Variants in PEMT observed in about 807,000 individuals in gnomAD.
PEMT encodes phospholipid methyltransferase.
A neutral mutation model predicts 27.4 loss-of-function variants in PEMT; 23 were observed. The ratio of observed to expected loss-of-function variants is 0.84; its 90% CI spans 0.60 to 1.19. The LOEUF (loss-of-function observed/expected upper bound fraction) is 1.19, where lower values mean the gene tolerates loss of function less well. Among genes scored for constraint, PEMT ranks in the 50% most tolerant of loss-of-function variants. The pLI, the probability that PEMT is intolerant of heterozygous loss-of-function variation, is 0.00. For synonymous variants in PEMT, 137 were observed against 139.1 expected, an observed-to-expected ratio of 0.98 and a Z score of 0.11; for missense variants, 307 against 310.1, an observed-to-expected ratio of 0.99 and a Z score of 0.07.
intron 2 of PEMT, among the ~76,000 whole-genome samples, chr17:17,527,163 G>A (rs567296862): frequency 2.0e-5 from 3 of 152,110 alleles, no homozygotes; most frequent in East Asian, 1.9e-4. Flanking sequence ...TCAGCCTCCC[G>A]AGTAGCTGGG....
At chr17:17,543,625 C>T (rs1909045150) in intron 2 of PEMT, among the ~76,000 whole-genome samples, 2 of 152,234 alleles carry the variant, frequency 1.3e-5, no homozygotes, top group South Asian at 2.1e-4. Flanking sequence ...GGCAGGGGCA[C>T]GATCTCGGCT....
intron 2 of PEMT, among the ~76,000 whole-genome samples, chr17:17,550,174 C>A (rs765926976): frequency 6.6e-6 from 1 of 152,214 alleles, no homozygotes; most frequent in Non-Finnish European, 1.5e-5. Flanking sequence ...CCACCACCCC[C>A]CTCTGGAACG....
At chr17:17,591,773 C>A, upstream of PEMT, 1 of 1,433,396 alleles carries the variant, frequency 7.0e-7, no homozygotes, top group Non-Finnish European at 9.1e-7. Flanking sequence ...AAATGTAGTT[C>A]CCCGTCACCG....
At chr17:17,586,214 GAA>G (rs763667363) in intron 1 of PEMT, among the ~76,000 whole-genome samples, 826 of 79,960 alleles carry the variant, frequency 0.01, 23 homozygotes, top group African/African-American at 0.033. Flanking sequence ...AAGAAAGAAA[GAA>G]AAAGAAAGAA....
chr17:17,580,099 G>A (rs1462519752), intron 1 of PEMT, among the ~76,000 whole-genome samples: 2 of 152,198 alleles, frequency 1.3e-5, no homozygotes, highest in Non-Finnish European at 2.9e-5. Context: ...GGAAGGGAGG[G>A]GAGGGAAGGC....
chr17:17,520,614 C>T (rs1051397206), intron 3 of PEMT, among the ~76,000 whole-genome samples: 27 of 152,216 alleles, frequency 1.8e-4, no homozygotes, highest in African/African-American at 6.5e-4. Flanking sequence ...GGCCCCGAGG[C>T]GGTGCCATGG....
At chr17:17,532,898 G>T (rs1466228480) in intron 2 of PEMT, among the ~76,000 whole-genome samples, 4 of 152,184 alleles carry the variant, frequency 2.6e-5, no homozygotes, top group Non-Finnish European at 5.9e-5. Context: ...GTGGTGGTGG[G>T]CATACGTAAT....
chr17:17,577,359 G>C, intron 1 of PEMT: 4 of 638,230 alleles, frequency 6.3e-6, no homozygotes, highest in Non-Finnish European at 8.7e-6. Flanking sequence ...GGTTCTCAGA[G>C]GCCCCAGAGG....
intron 2 of PEMT, among the ~76,000 whole-genome samples, chr17:17,568,502 G>GGATTGCAGCATTTCAGAGCTA (rs1567735847): frequency 1.3e-5 from 2 of 152,312 alleles, no homozygotes; most frequent in Non-Finnish European, 2.9e-5. Context: ...TAAAGCGCAG[G>GGATTGCAGCATTTCAGAGCTA]GATTGCAGCA....
chr17:17,518,868 G>A (rs1246238125), intron 3 of PEMT, among the ~76,000 whole-genome samples: 1 of 152,162 alleles, frequency 6.6e-6, no homozygotes, highest in Non-Finnish European at 1.5e-5. Flanking sequence ...GGAGATGACT[G>A]CTCCAGGCCT....
chr17:17,520,947 C>T (rs772593865), intron 3 of PEMT, among the ~76,000 whole-genome samples: 34 of 152,270 alleles, frequency 2.2e-4, no homozygotes, highest in Non-Finnish European at 5.0e-4. Flanking sequence ...AGGCCACCCT[C>T]GGTGAGTGTG....
At chr17:17,591,376 C>G (rs1252764900) in intron 1 of PEMT, 155 bp downstream of exon 1, 4 of 653,964 alleles carry the variant, frequency 6.1e-6, no homozygotes, top group Non-Finnish European at 1.0e-5. Context: ...CCGGCGCTCC[C>G]GCACGCGGCT....
In PEMT at chr17:17,513,156, G is replaced by A. The variant is rs1833461099; in HGVS notation, c.321-502C>T. Among the ~76,000 whole-genome samples, 1 of 152,236 alleles carries A rather than the reference G, an allele frequency of 6.6e-6. No homozygotes were observed. The highest frequency in any genetic ancestry group is 1.5e-5 in the Non-Finnish European group (1 of 68,054). ...TGGGGCATGCTCTGTGCTAGGGATT[G>A]CGCTTCCACAGCCCCTGTGGGTCTG... On this transcript the variant is annotated intron_variant, in intron 3 of 6. Coordinates refer to ENST00000255389, the MANE Select transcript of PEMT (RefSeq NM_148172.3). The surrounding 1 kb of genome is among the most constrained non-coding windows in gnomAD (Gnocchi z 4.1).
chr17:17,524,911 C>A lies in PEMT; in HGVS notation c.205-2516G>T, dbSNP rs192790795. On this transcript the variant is annotated intron_variant, in intron 2 of 6. Transcript: ENST00000255389. The stretch of plus-strand genomic sequence containing the variant: ...GATCATGAGGTCAAGAGATCCAGAC[C>A]ATCCTGGCTAACACGGTGAAACCCT... Among the ~76,000 whole-genome samples the A allele has an allele frequency of 2.7e-3, 404 of 152,246 alleles. 1 individual carries two copies. Among genetic ancestry groups the A allele is most frequent in the African/African-American group, 9.2e-3 (384 of 41,528 alleles).
In PEMT at chr17:17,561,998, C is replaced by T. The variant is rs146731042; in HGVS notation, c.204+14922G>A. 6.5e-3 allele frequency among the ~76,000 whole-genome samples: 989 copies of T among 152,368 alleles called. 17 individuals carry two copies. The highest frequency in any genetic ancestry group is 0.023 in the African/African-American group (957 of 41,590). ...AGGGGCCTCAGGACCGGATCTGGGCCGGATCCACGAGAGGCGCTTGGAGGG... is the reference window on the plus strand; with the variant it reads ...AGGGGCCTCAGGACCGGATCTGGGCTGGATCCACGAGAGGCGCTTGGAGGG... On this transcript the variant is annotated intron_variant, in intron 2 of 6. Coordinates refer to ENST00000255389, the MANE Select transcript of PEMT (RefSeq NM_148172.3). This position sits in a 1 kb window ranked among gnomAD's most constrained non-coding sequence, Gnocchi z 4.5.
At chr17:17,507,335 C>G in intron 5 of PEMT, 1 of 699,988 alleles carries the variant, frequency 1.4e-6, no homozygotes, top group Non-Finnish European at 2.5e-6. Context: ...CTGTGCCAAG[C>G]TGCCCCCTCC....
chr17:17,575,480 C>T lies in PEMT; in HGVS notation c.204+1440G>A, dbSNP rs754940163. Among the ~76,000 whole-genome samples the T allele has an allele frequency of 2.0e-5, 3 of 152,258 alleles. No homozygotes were observed. In the South Asian group the frequency reaches 6.2e-4, roughly 31 times the overall value. On this transcript the variant is annotated intron_variant, in intron 2 of 6. Transcript: ENST00000255389. ...ACCCTTCACCACCTCATATCTCTGG[C>T]ATGCTGGGTGTGTGCAAAGGTGAAA... is the stretch of plus-strand genomic sequence containing the variant.
At position 17,560,514 on chromosome 17, in the gene PEMT, A is replaced by G. The variant is rs561019611; in HGVS notation, c.204+16406T>C. The stretch of plus-strand genomic sequence containing the variant: ...CCTATCCAAAGCCACATAGCTAAGG[A>G]GCAACAGGGGCTGCCTGGGGCCCAG... On this transcript the variant is annotated intron_variant, in intron 2 of 6. Coordinates refer to ENST00000255389, the MANE Select transcript of PEMT (RefSeq NM_148172.3). 5.0e-4 allele frequency among the ~76,000 whole-genome samples: 76 copies of G among 152,326 alleles called. 2 individuals carry two copies. Among genetic ancestry groups the G allele is most frequent in the Admixed American group, 4.7e-3 (72 of 15,312 alleles).
At chr17:17,552,992 C>T (rs1909773525) in intron 2 of PEMT, among the ~76,000 whole-genome samples, 1 of 152,226 alleles carries the variant, frequency 6.6e-6, no homozygotes, top group African/African-American at 2.4e-5. Context: ...AGTCCCAACC[C>T]CTCACTGGCC....
Sources: allele counts gnomAD v4.1 joint callset (sites outside exome capture counted in the v4.1 genomes callset), GRCh38; gene constraint gnomAD v4.1.1; non-coding constraint Gnocchi (gnomAD v3.1); transcripts MANE v1.5; gene names NCBI Gene and HGNC (gene_info 2026-07-23, HGNC 2026-07-21).